Variants in WDR43 observed in about 807,000 individuals in gnomAD.
WDR43 encodes the protein WD repeat domain 43, also known as WD repeat-containing protein 43.
A neutral mutation model predicts 91.4 loss-of-function variants in WDR43; 13 were observed. The observed-to-expected ratio is 0.14, with a 90% CI of 0.09 to 0.23. The LOEUF (loss-of-function observed/expected upper bound fraction) is 0.23. Ranked by LOEUF, WDR43 falls within the 10% of genes least tolerant of loss-of-function variation. WDR43 has a pLI of 1.00. For missense variants in WDR43, 780 were observed against 809.4 expected (o/e 0.96, Z 0.44); for synonymous variants, 331 against 287.9 (o/e 1.15, Z -1.51).
At chr2:28,902,902 G>A (rs747769242) in intron 2 of WDR43, among the ~76,000 whole-genome samples, 3 of 152,096 alleles carry the variant, frequency 2.0e-5, no homozygotes, top group Non-Finnish European at 2.9e-5. Context: ...GTTTTTGTTC[G>A]CTGGACTTCT....
At chr2:28,925,262 T>C in intron 8 of WDR43, 109 bp downstream of exon 8, 1 of 1,125,294 alleles carries the variant, frequency 8.9e-7, no homozygotes, top group Non-Finnish European at 1.2e-6. Flanking sequence ...ATATATTCTT[T>C]TTTAATTAAA....
At chr2:28,944,033 C>T (rs184580965) in intron 16 of WDR43, among the ~76,000 whole-genome samples, 32 of 152,302 alleles carry the variant, frequency 2.1e-4, no homozygotes, top group Non-Finnish European at 3.5e-4. Context: ...GAACAGAGGA[C>T]CTGTGGGGAT....
chr2:28,896,206 T>C (rs1169730085), intron 1 of WDR43, among the ~76,000 whole-genome samples: 1 of 152,224 alleles, frequency 6.6e-6, no homozygotes, highest in Non-Finnish European at 1.5e-5. Context: ...GTAATACTAA[T>C]GCTGAGAGAA....
intron 5 of WDR43, among the ~76,000 whole-genome samples, chr2:28,917,687 T>C (rs1313808831): frequency 6.6e-6 from 1 of 152,218 alleles, no homozygotes; most frequent in Non-Finnish European, 1.5e-5. Flanking sequence ...GCATTATTGC[T>C]TTCTCTTTTC....
intron 14 of WDR43, among the ~76,000 whole-genome samples, chr2:28,939,569 TCTGTAAGCCAAGGG>T (rs2148199010): frequency 6.6e-6 from 1 of 152,324 alleles, no homozygotes; most frequent in South Asian, 2.1e-4. Context: ...TTAAGTGCCT[TCTGTAAGCCAAGGG>T]CTATGCCAGG....
intron 1 of WDR43, among the ~76,000 whole-genome samples, chr2:28,901,044 T>A (rs542206157): frequency 2.0e-5 from 3 of 152,348 alleles, no homozygotes; most frequent in African/African-American, 7.2e-5. Context: ...TCTTGGGCTG[T>A]GTGCATGCCC....
At chr2:28,917,227 A>G (rs1003441399) in intron 5 of WDR43, among the ~76,000 whole-genome samples, 80 of 152,312 alleles carry the variant, frequency 5.3e-4, no homozygotes, top group African/African-American at 1.7e-3. Context: ...TCGCTAGTCT[A>G]CACCCCTGAA....
intron 3 of WDR43, among the ~76,000 whole-genome samples, chr2:28,908,407 GAC>G (rs1412368877): frequency 1.3e-5 from 2 of 152,324 alleles, no homozygotes; most frequent in Non-Finnish European, 1.5e-5. Context: ...ACTTGTAGCA[GAC>G]ACAGTAGTTT....
chr2:28,900,657 C>T lies in WDR43; in HGVS notation c.226-1330C>T, dbSNP rs138386155. On this transcript the variant is annotated intron_variant, in intron 1 of 17. Transcript: ENST00000407426. ...GCTTTAGAAATTCATGTAACTGAAA[C>T]GGGGACCTAGAACACTCCTAAAATT... Among the ~76,000 whole-genome samples, 210 of 152,256 alleles carry T rather than the reference C, an allele frequency of 1.4e-3. 1 individual carries two copies. The highest frequency in any genetic ancestry group is 2.4e-3 in the Non-Finnish European group (166 of 68,008).
chr2:28,947,743 C>T lies in WDR43; in HGVS notation c.*964C>T, dbSNP rs193186810. ...TAATGTTTTTCTTCCTTTTCATTAC[C>T]TACTCTTGGCAGTGTTAGGGTATCT... On this transcript the variant is annotated 3_prime_UTR_variant, in exon 18 of 18. Coordinates refer to ENST00000407426, the MANE Select transcript of WDR43 (RefSeq NM_015131.3). The T allele has an allele frequency of 5.3e-5, 8 of 151,402 alleles. No individual in the cohort carries two copies. The highest frequency in any genetic ancestry group is 7.4e-5 in the Non-Finnish European group (5 of 67,850). The allele number at this position is 151,402 out of a possible 1,614,324, so 9.4% of individuals were successfully genotyped here.
Position 28,925,427 on chromosome 2 carries a change from A to G in WDR43, c.1086+274A>G, listed in dbSNP as rs555982127. On this transcript the variant is annotated intron_variant, in intron 8 of 17. Coordinates refer to ENST00000407426, the MANE Select transcript of WDR43 (RefSeq NM_015131.3). ...AATCTGGTGTGTATTTTGCACTTCT[A>G]GCACATCTCAGTTTGGACTAGCCAC... Among the ~76,000 whole-genome samples, 12 of 152,312 alleles carry G rather than the reference A, an allele frequency of 7.9e-5. No homozygotes were observed. The East Asian group carries it at 1.5e-3, about 20-fold the overall frequency.
intron 2 of WDR43, among the ~76,000 whole-genome samples, chr2:28,902,677 G>A (rs780542070): frequency 2.0e-5 from 3 of 152,238 alleles, no homozygotes; most frequent in Non-Finnish European, 2.9e-5. Context: ...CTGTTGGGGT[G>A]ATGCAAATAA....
intron 11 of WDR43, among the ~76,000 whole-genome samples, chr2:28,930,522 A>G (rs1671219184): frequency 6.6e-6 from 1 of 152,184 alleles, no homozygotes; most frequent in Non-Finnish European, 1.5e-5. Flanking sequence ...TTTAGGGTAC[A>G]TTGATCCTAA....
intron 13 of WDR43, among the ~76,000 whole-genome samples, chr2:28,937,166 C>A (rs192448164): frequency 6.6e-6 from 1 of 152,252 alleles, no homozygotes; most frequent in Non-Finnish European, 1.5e-5. Flanking sequence ...GCTTTATTAG[C>A]AGGTCATTTA....
intron 3 of WDR43, among the ~76,000 whole-genome samples, chr2:28,910,696 A>G (rs949244507): frequency 2.1e-5 from 2 of 93,530 alleles, no homozygotes; most frequent in Non-Finnish European, 4.6e-5. Context: ...TATATATATA[A>G]TTATTATTTT....
rs2148174624 is a variant in WDR43, at chr2:28,895,548, C to A, written c.225+625C>A. On this transcript the variant is annotated intron_variant, in intron 1 of 17. Transcript: ENST00000407426. ...GATTTTAACATCTGCTCGCCCCTCCCGCCCCGCTTTCAAGCCGATCACACT... is the reference window on the plus strand; with the variant it reads ...GATTTTAACATCTGCTCGCCCCTCCAGCCCCGCTTTCAAGCCGATCACACT... Among the ~76,000 whole-genome samples the A allele has an allele frequency of 1.3e-5, 2 of 152,246 alleles. 1 individual carries two copies. Among genetic ancestry groups the A allele is most frequent in the South Asian group, 4.1e-4 (2 of 4,828 alleles).
intron 5 of WDR43, among the ~76,000 whole-genome samples, chr2:28,914,594 G>T (rs913478327): frequency 2.0e-5 from 3 of 152,112 alleles, no homozygotes; most frequent in Admixed American, 6.6e-5. Flanking sequence ...ACTCCTTTTT[G>T]CAGTAGCTGC....
chr2:28,898,630 G>T (rs1352572929), intron 1 of WDR43, among the ~76,000 whole-genome samples: 1 of 151,986 alleles, frequency 6.6e-6, no homozygotes, highest in African/African-American at 2.4e-5. Context: ...CTAGAGTTCA[G>T]TATTTCTCAG....
At position 28,920,209 on chromosome 2, in the gene WDR43, A is replaced by G. The variant is rs185313296; in HGVS notation, c.849+2214A>G. Among the ~76,000 whole-genome samples the G allele has an allele frequency of 6.8e-5, 10 of 146,954 alleles. No individual in the cohort carries two copies. The Admixed American group carries it at 7.0e-4, about 10-fold the overall frequency. Reference sequence around the variant, plus strand: ...AGTGACTTTCTGAAAAAATAAAAATAAATTTTTTTTCTTTCTTTTTTTTTT... The same window carrying G: ...AGTGACTTTCTGAAAAAATAAAAATGAATTTTTTTTCTTTCTTTTTTTTTT... On this transcript the variant is annotated intron_variant, in intron 6 of 17. Transcript: ENST00000407426.
Sources: allele counts gnomAD v4.1 joint callset (sites outside exome capture counted in the v4.1 genomes callset), GRCh38; gene constraint gnomAD v4.1.1; transcripts MANE v1.5; gene names NCBI Gene and HGNC (gene_info 2026-07-23, HGNC 2026-07-21).